Variants in GPATCH2L observed in about 807,000 individuals in gnomAD.
The protein encoded by GPATCH2L is G patch domain-containing protein 2-like.
In GPATCH2L, 31 loss-of-function variants were observed where a neutral mutation model predicts 57.4. The observed-to-expected ratio is 0.54, with a 90% confidence interval of 0.41 to 0.73. GPATCH2L has a LOEUF of 0.73. Ranked by LOEUF, GPATCH2L falls within the 30% of genes least tolerant of loss-of-function variation. The pLI is 0.00. For missense variants in GPATCH2L, 481 were observed against 599.9 expected, an observed-to-expected ratio of 0.80 and a Z score of 2.07; for synonymous variants, 199 against 210.7, an observed-to-expected ratio of 0.94 and a Z score of 0.48.
At chr14:76,199,112 A>G (rs2040240647) in intron 9 of GPATCH2L, among the ~76,000 whole-genome samples, 1 of 152,226 alleles carries the variant, frequency 6.6e-6, no homozygotes, top group Admixed American at 6.5e-5. Flanking sequence ...GTAAGGAGTA[A>G]ATAAAATACA....
At chr14:76,194,587 T>G (rs1455771193) in intron 8 of GPATCH2L, among the ~76,000 whole-genome samples, 1 of 152,066 alleles carries the variant, frequency 6.6e-6, no homozygotes, top group African/African-American at 2.4e-5. Flanking sequence ...GTCAAAAAAT[T>G]TGTCCATTCA....
At chr14:76,180,022 T>G (rs1407258544) in intron 7 of GPATCH2L, 1 of 41,150 alleles carries the variant, frequency 2.4e-5, no homozygotes. Flanking sequence ...CTGTCTCTAC[T>G]AAAAATACAA....
intron 1 of GPATCH2L, among the ~76,000 whole-genome samples, chr14:76,219,958 G>C (rs2040507327): frequency 6.6e-6 from 1 of 152,228 alleles, no homozygotes; most frequent in Non-Finnish European, 1.5e-5. Context: ...CTGTCCTTGT[G>C]TGACTTAAGT....
chr14:76,157,362 G>A (rs916213807), intron 2 of GPATCH2L, among the ~76,000 whole-genome samples: 2 of 152,174 alleles, frequency 1.3e-5, no homozygotes, highest in African/African-American at 4.8e-5. Context: ...CTTTAAAAAG[G>A]GCTGGCATTA....
chr14:76,172,596 G>A (rs993692125), intron 4 of GPATCH2L, among the ~76,000 whole-genome samples: 3 of 152,206 alleles, frequency 2.0e-5, no homozygotes, highest in Non-Finnish European at 4.4e-5. Flanking sequence ...CTCTGATACT[G>A]TCTACCAAGC....
chr14:76,181,041 A>T (rs1045133304), intron 8 of GPATCH2L, among the ~76,000 whole-genome samples, 192 bp downstream of exon 8: 1 of 152,182 alleles, frequency 6.6e-6, no homozygotes, highest in African/African-American at 2.4e-5. Context: ...GTCCAAGGCT[A>T]GTATGTGATT....
chr14:76,204,773 C>T lies in GPATCH2L; in HGVS notation c.*2922C>T, dbSNP rs2040356402. ...ATTTCAGGGTTCTGATTTTTCCCAGCTGGCTACACAAATGGCCTGTCTGAA... is the reference window on the plus strand; with the variant it reads ...ATTTCAGGGTTCTGATTTTTCCCAGTTGGCTACACAAATGGCCTGTCTGAA... On this transcript the variant is annotated 3_prime_UTR_variant, in exon 10 of 10. Coordinates refer to ENST00000261530, the MANE Select transcript of GPATCH2L (RefSeq NM_017926.4). 6.6e-6 allele frequency: 1 copy of T among 152,206 alleles called. No homozygotes were observed. Among genetic ancestry groups the T allele is most frequent in the South Asian group, 2.1e-4 (1 of 4,834 alleles). The allele number at this position is 152,206 out of a possible 1,614,324, so 9.4% of individuals were successfully genotyped here.
At chr14:76,192,422 A>G (rs963325815) in intron 8 of GPATCH2L, among the ~76,000 whole-genome samples, 2 of 152,114 alleles carry the variant, frequency 1.3e-5, no homozygotes, top group Admixed American at 6.5e-5. Context: ...CGAAGATATG[A>G]TGTTATTCTA....
Position 76,154,421 on chromosome 14 carries a change from A to T in GPATCH2L, c.58A>T (p.Lys20Ter). The T allele has an allele frequency of 6.2e-7, 1 of 1,614,128 alleles. No individual in the cohort carries two copies. Among genetic ancestry groups the T allele is most frequent in the Non-Finnish European group, 8.5e-7 (1 of 1,180,004 alleles). Reference sequence around the variant, plus strand: ...CTTGGAGCAGACATCTGAGCAGAATAAGCTTGGTGAACTGTGGGAGGAGAT... The same window carrying T: ...CTTGGAGCAGACATCTGAGCAGAATTAGCTTGGTGAACTGTGGGAGGAGAT... ...SALEQTSEQN[K>*]LGELWEEMAL... The change falls in exon 2 of 10, where the codon AAG (lysine) becomes TAG (stop). Residue 20 changes from lysine (K) to a stop codon, truncating the protein, a stop_gained. Transcript: ENST00000261530. LOFTEE classifies it high-confidence loss of function. This position sits in a 1 kb window ranked among gnomAD's most constrained non-coding sequence, Gnocchi z 4.4.
intron 2 of GPATCH2L, among the ~76,000 whole-genome samples, chr14:76,159,943 T>G (rs1388163790): frequency 6.6e-6 from 1 of 151,994 alleles, no homozygotes; most frequent in Non-Finnish European, 1.5e-5. Flanking sequence ...CCATCCTGGC[T>G]AACATGGTGA....
intron 1 of GPATCH2L, among the ~76,000 whole-genome samples, chr14:76,225,291 G>A (rs910984434): frequency 1.3e-5 from 2 of 152,124 alleles, no homozygotes; most frequent in African/African-American, 4.8e-5. Flanking sequence ...ACAGAACAGA[G>A]TCTAGAAGCT....
intron 9 of GPATCH2L, chr14:76,196,431 T>C: frequency 5.3e-6 from 1 of 190,030 alleles, no homozygotes; most frequent in Middle Eastern, 1.9e-3. Flanking sequence ...AGGCTAAAAC[T>C]TTTCAGTTTT....
chr14:76,158,522 A>G (rs1045117801), intron 2 of GPATCH2L, among the ~76,000 whole-genome samples: 1 of 152,202 alleles, frequency 6.6e-6, no homozygotes, highest in Non-Finnish European at 1.5e-5. Flanking sequence ...GACCATTTTA[A>G]CCAAAGATTG....
chr14:76,217,766 T>C (rs2040496177), downstream of GPATCH2L, among the ~76,000 whole-genome samples: 1 of 152,152 alleles, frequency 6.6e-6, no homozygotes, highest in South Asian at 2.1e-4. Flanking sequence ...GAGCAGACAG[T>C]TGACAGAAAA....
In GPATCH2L at chr14:76,213,744, C is replaced by T. The variant is rs1260415833; in HGVS notation, c.*11893C>T. ...CAGAAAATCTGCAAAAATAGATTTC[C>T]TGTGTGCCCTTCTCTCAGCTTCTTC... is the stretch of plus-strand genomic sequence containing the variant. On this transcript the variant is annotated 3_prime_UTR_variant, in exon 10 of 10. Coordinates refer to ENST00000261530, the MANE Select transcript of GPATCH2L (RefSeq NM_017926.4). 5 of 152,276 alleles carry T rather than the reference C, an allele frequency of 3.3e-5. No homozygotes were observed. In the East Asian group the frequency reaches 7.7e-4, roughly 24 times the overall value. The allele number at this position is 152,276 out of a possible 1,614,324, so 9.4% of individuals were successfully genotyped here.
At chr14:76,221,771 A>G (rs1259866224) in intron 1 of GPATCH2L, among the ~76,000 whole-genome samples, 1 of 152,222 alleles carries the variant, frequency 6.6e-6, no homozygotes, top group African/African-American at 2.4e-5. Context: ...TGAACAGGCA[A>G]AATTATGGGG....
chr14:76,161,991 G>A (rs370787036), intron 2 of GPATCH2L, among the ~76,000 whole-genome samples: 9 of 152,114 alleles, frequency 5.9e-5, no homozygotes, highest in Non-Finnish European at 1.0e-4. Flanking sequence ...AGCCGAGATC[G>A]CGTCACTGCA....
In GPATCH2L at chr14:76,209,534, G is replaced by A. The variant is rs1403542403; in HGVS notation, c.*7683G>A. ...TTTATGAAAAGATGGCCTGGACTGT[G>A]TTCCCTCTTCTGCTTTCTCCTCTTC... On this transcript the variant is annotated 3_prime_UTR_variant, in exon 10 of 10. Transcript: ENST00000261530. 2 of 152,396 alleles carry A rather than the reference G, an allele frequency of 1.3e-5. No homozygotes were observed. Among genetic ancestry groups the A allele is most frequent in the East Asian group, 3.8e-4 (2 of 5,200 alleles). 9.4% of individuals were successfully genotyped at this position (152,396 alleles called of 1,614,324 possible).
rs1284158541 is a variant in GPATCH2L at position 76,212,070 on chromosome 14, A to G, written c.*10219A>G. On this transcript the variant is annotated 3_prime_UTR_variant, in exon 10 of 10. Transcript: ENST00000261530. The stretch of plus-strand genomic sequence containing the variant: ...ATTAAGGTATATTGACTAGTGAAAT[A>G]GAGGATTATGGGGATCATATGAAAA... 6.6e-6 allele frequency: 1 copy of G among 152,180 alleles called. No individual in the cohort carries two copies. The highest frequency in any genetic ancestry group is 1.5e-5 in the Non-Finnish European group (1 of 68,034). The allele number at this position is 152,180 out of a possible 1,614,324, so 9.4% of individuals were successfully genotyped here.
Sources: allele counts gnomAD v4.1 joint callset (sites outside exome capture counted in the v4.1 genomes callset), GRCh38; gene constraint gnomAD v4.1.1; non-coding constraint Gnocchi (gnomAD v3.1); transcripts MANE v1.5; gene names NCBI Gene and HGNC (gene_info 2026-07-23, HGNC 2026-07-21).